Variants in KCNIP4 observed in about 807,000 individuals in gnomAD.
KCNIP4 encodes Kv channel-interacting protein 4.
Under a neutral mutation model 34.0 loss-of-function variants are expected in KCNIP4, and 12 were observed. The ratio of observed to expected loss-of-function variants is 0.35; its 90% CI spans 0.23 to 0.57. The LOEUF is 0.57. Among genes scored for constraint, KCNIP4 ranks in the 20% least tolerant of loss-of-function variants. The probability of loss-of-function intolerance (pLI) is 0.83; values close to 1 mark genes in which losing one functional copy is unlikely to be tolerated. For synonymous variants in KCNIP4, 124 were observed against 102.2 expected (o/e 1.21, Z -1.29); for missense variants, 238 against 311.7 (o/e 0.76, Z 1.78).
chr4:20,870,044 A>C (rs1325158520), intron 2 of KCNIP4, among the ~76,000 whole-genome samples: 1 of 152,128 alleles, frequency 6.6e-6, no homozygotes, highest in African/African-American at 2.4e-5. Flanking sequence ...CACTTATTAA[A>C]ATGTTCTTTG....
chr4:21,370,846 TATATACACACACACAC>T (rs1720339647), intron 1 of KCNIP4, among the ~76,000 whole-genome samples: 1 of 24,504 alleles, frequency 4.1e-5, no homozygotes, highest in South Asian at 3.1e-3. Context: ...TATATATATA[TATATACACACACACAC>T]ACACACACAC....
intron 3 of KCNIP4, among the ~76,000 whole-genome samples, chr4:20,849,978 G>C (rs879369865): frequency 4.6e-5 from 7 of 152,120 alleles, no homozygotes; most frequent in African/African-American, 7.2e-5. Context: ...CCACCCTCTG[G>C]GGTTTTCTGG....
At chr4:21,240,195 A>T (rs956525342) in intron 1 of KCNIP4, among the ~76,000 whole-genome samples, 1 of 124,770 alleles carries the variant, frequency 8.0e-6, no homozygotes, top group Admixed American at 1.0e-4. Flanking sequence ...GGACACAGGA[A>T]GAGGAACATC....
At chr4:21,520,325 C>A (rs1735417699) in intron 1 of KCNIP4, among the ~76,000 whole-genome samples, 2 of 152,268 alleles carry the variant, frequency 1.3e-5, no homozygotes, top group South Asian at 4.1e-4. Flanking sequence ...TACTGGCACT[C>A]TGATCTCAGT....
At chr4:21,295,789 C>T (rs947588391) in intron 1 of KCNIP4, among the ~76,000 whole-genome samples, 1 of 152,000 alleles carries the variant, frequency 6.6e-6, no homozygotes, top group Non-Finnish European at 1.5e-5. Flanking sequence ...TTATATATTC[C>T]TATATATTCC....
chr4:21,762,733 G>A (rs1328810744), intron 1 of KCNIP4, among the ~76,000 whole-genome samples: 3 of 152,074 alleles, frequency 2.0e-5, no homozygotes, highest in Non-Finnish European at 4.4e-5. Flanking sequence ...CTTTACCAGC[G>A]TCATTAGTGG....
intron 1 of KCNIP4, chr4:21,847,742 T>G (rs1435265072): frequency 6.6e-6 from 1 of 152,172 alleles, no homozygotes; most frequent in East Asian, 1.9e-4. Flanking sequence ...TTGTCATCCC[T>G]TACACAAAAT....
At chr4:20,986,103 A>G (rs1577487990) in intron 1 of KCNIP4, among the ~76,000 whole-genome samples, 1 of 152,098 alleles carries the variant, frequency 6.6e-6, no homozygotes, top group Non-Finnish European at 1.5e-5. Flanking sequence ...CGGAAGTTCC[A>G]ACTCTTCAGA....
At chr4:21,598,273 T>C (rs535105828) in intron 1 of KCNIP4, among the ~76,000 whole-genome samples, 3 of 152,120 alleles carry the variant, frequency 2.0e-5, no homozygotes, top group Non-Finnish European at 4.4e-5. Flanking sequence ...CCAGCTTGTA[T>C]AGAGAACATG....
chr4:21,208,821 G>A (rs184212153), intron 1 of KCNIP4, among the ~76,000 whole-genome samples: 199 of 152,252 alleles, frequency 1.3e-3, no homozygotes, highest in African/African-American at 4.3e-3. Context: ...CTCAGGAGGC[G>A]TCAGGAAACT....
At chr4:21,501,897 C>T (rs1733386994) in intron 1 of KCNIP4, among the ~76,000 whole-genome samples, 1 of 151,140 alleles carries the variant, frequency 6.6e-6, no homozygotes. Flanking sequence ...CTCTCTCTCT[C>T]TATCTCTCCA....
At chr4:21,627,386 A>G (rs1745416790) in intron 1 of KCNIP4, among the ~76,000 whole-genome samples, 1 of 152,068 alleles carries the variant, frequency 6.6e-6, no homozygotes, top group Admixed American at 6.6e-5. Flanking sequence ...TCCCATGCAC[A>G]CACCCATGCA....
chr4:20,805,186 CTTTTTTTTTTTTTTTTT>C (rs10552321), intron 3 of KCNIP4, among the ~76,000 whole-genome samples: 7 of 92,118 alleles, frequency 7.6e-5, no homozygotes, highest in South Asian at 3.8e-4. Context: ...TAGATGCTTC[CTTTTTTTTTTTTTTTTT>C]TTTTTTTTTT....
intron 1 of KCNIP4, among the ~76,000 whole-genome samples, chr4:21,256,938 C>T (rs1355102498): frequency 6.6e-6 from 1 of 152,142 alleles, no homozygotes. Context: ...TATATGCGTA[C>T]TTGTTGTTTT....
intron 1 of KCNIP4, among the ~76,000 whole-genome samples, chr4:21,246,494 C>T (rs1051788702): frequency 2.0e-5 from 3 of 152,160 alleles, no homozygotes; most frequent in Non-Finnish European, 4.4e-5. Context: ...CTTTGAAGAC[C>T]TGATGCCTAA....
At chr4:21,707,633 T>C (rs1187367997) in intron 1 of KCNIP4, among the ~76,000 whole-genome samples, 1 of 151,934 alleles carries the variant, frequency 6.6e-6, no homozygotes, top group Non-Finnish European at 1.5e-5. Context: ...GCAGATGTGA[T>C]TAGCTGAGGG....
intron 1 of KCNIP4, among the ~76,000 whole-genome samples, chr4:21,420,401 C>T (rs1045298977): frequency 3.9e-5 from 6 of 152,280 alleles, no homozygotes; most frequent in African/African-American, 1.4e-4. Context: ...CTGTTTTGTT[C>T]TGTCCCCTGC....
At chr4:21,880,645 C>G (rs184306030) in intron 1 of KCNIP4, among the ~76,000 whole-genome samples, 49 of 152,202 alleles carry the variant, frequency 3.2e-4, no homozygotes, top group Admixed American at 6.5e-4. Flanking sequence ...AAGAAGAGAA[C>G]AAAATGATAT....
At chr4:21,184,600 G>T (rs1406246386) in intron 1 of KCNIP4, among the ~76,000 whole-genome samples, 1 of 152,160 alleles carries the variant, frequency 6.6e-6, no homozygotes, top group Non-Finnish European at 1.5e-5. Flanking sequence ...TGATAGGTTT[G>T]GCACTTTTGT....
Sources: gnomAD v4.1 joint callset for allele counts (sites outside exome capture counted in the v4.1 genomes callset) on GRCh38, gnomAD v4.1.1 for gene constraint, MANE v1.5 for transcripts, NCBI Gene and HGNC (gene_info 2026-07-23, HGNC 2026-07-21) for gene names.